MPP4: variants seen among roughly 807,000 people sequenced by gnomAD.
MPP4 encodes the protein MAGUK p55 scaffold protein 4, also known as MAGUK p55 subfamily member 4.
Under a neutral mutation model 98.3 loss-of-function variants are expected in MPP4, and 91 were observed. That is an observed-to-expected ratio of 0.93 (90% confidence interval 0.78 to 1.10). The LOEUF (loss-of-function observed/expected upper bound fraction) is 1.10. Ranked by LOEUF, MPP4 falls within the 50% of genes least tolerant of loss-of-function variation. MPP4 has a pLI of 0.00. For missense variants in MPP4, 744 were observed against 792.9 expected, an observed-to-expected ratio of 0.94 and a Z score of 0.74; for synonymous variants, 261 against 271.8, an observed-to-expected ratio of 0.96 and a Z score of 0.39.
intron 2 of MPP4, among the ~76,000 whole-genome samples, chr2:201,693,532 G>C (rs1689097916): frequency 2.0e-5 from 3 of 152,094 alleles, no homozygotes; most frequent in Admixed American, 2.0e-4. Flanking sequence ...CCTGATTAAA[G>C]GGTCTCTAAA....
intron 10 of MPP4, among the ~76,000 whole-genome samples, chr2:201,678,716 G>T (rs1688585139): frequency 6.6e-6 from 1 of 151,986 alleles, no homozygotes. Context: ...CCTTCCACTG[G>T]GCCTGGAGGT....
chr2:201,696,101 C>T (rs935081953), intron 1 of MPP4, among the ~76,000 whole-genome samples: 1 of 152,176 alleles, frequency 6.6e-6, no homozygotes, highest in East Asian at 1.9e-4. Flanking sequence ...AAGAGCAACA[C>T]AGAAAGCTGT....
chr2:201,675,182 C>G (rs768419042), intron 11 of MPP4, 25 bp downstream of exon 11: 29 of 1,593,416 alleles, frequency 1.8e-5, no homozygotes, highest in Non-Finnish European at 2.1e-5. Flanking sequence ...ACAGGAAGAA[C>G]CTGTCGGGCA....
chr2:201,669,744 G>C lies in MPP4; in HGVS notation c.1001C>G (p.Ser334Cys). Residue 334 changes from serine (S) to cysteine (C), a missense_variant, in exon 12 of 22, where the codon TCT (serine) becomes TGT (cysteine). By Grantham distance (112) the Ser-to-Cys change is moderately radical. Transcript: ENST00000409474. Reference protein sequence around the residue: ...HTCLKSTLSISMEEEDDMKID... With the variant: ...HTCLKSTLSICMEEEDDMKID... ...ATACTATTTCTTACCTTCTTCCATA[G>C]AAATTGCTGAGTACAAGCAAATGAT... 1 of 1,445,864 alleles carries C rather than the reference G, an allele frequency of 6.9e-7. No homozygotes were observed. Among genetic ancestry groups the C allele is most frequent in the Admixed American group, 2.4e-5 (1 of 42,240 alleles). The allele number at this position is 1,445,864 out of a possible 1,614,324, so 89.6% of individuals were successfully genotyped here. A position where few individuals can be genotyped will look rare whatever the true frequency, so the allele number is the denominator to read the frequency against.
intron 18 of MPP4, chr2:201,651,108 T>G: frequency 1.0e-6 from 1 of 985,360 alleles, no homozygotes; most frequent in South Asian, 4.7e-5. Flanking sequence ...TACCATTAGT[T>G]CCCCTTATTC....
intron 2 of MPP4, among the ~76,000 whole-genome samples, chr2:201,693,389 A>G (rs992708261): frequency 2.6e-5 from 4 of 152,182 alleles, no homozygotes; most frequent in African/African-American, 9.7e-5. Flanking sequence ...TCCCAAAATT[A>G]TCTACTTGTG....
chr2:201,668,381 C>T (rs1688241128), intron 12 of MPP4, among the ~76,000 whole-genome samples: 1 of 151,942 alleles, frequency 6.6e-6, no homozygotes. Flanking sequence ...ACTGCTGGGG[C>T]CTTAATTTGA....
At chr2:201,678,966 T>C (rs1416841842) in intron 10 of MPP4, among the ~76,000 whole-genome samples, 1 of 151,964 alleles carries the variant, frequency 6.6e-6, no homozygotes, top group African/African-American at 2.4e-5. Context: ...CAATAACCTT[T>C]CCCTCATTCA....
At chr2:201,691,822 A>T (rs1269493660) in intron 3 of MPP4, among the ~76,000 whole-genome samples, 1 of 152,172 alleles carries the variant, frequency 6.6e-6, no homozygotes, top group African/African-American at 2.4e-5. Flanking sequence ...CTGGGCCAGA[A>T]GAAACTTTAG....
intron 6 of MPP4, 85 bp from the exon 7 acceptor site, chr2:201,685,230 T>C (rs1468435022): frequency 7.1e-6 from 1 of 140,046 alleles, no homozygotes; most frequent in African/African-American, 1.5e-4. Flanking sequence ...AGCTCTGGTC[T>C]TTCAATCAAT....
chr2:201,669,119 TGTGA>T (rs60527440), intron 12 of MPP4, among the ~76,000 whole-genome samples: 41,412 of 133,322 alleles, frequency 0.31, 6,148 homozygotes, highest in Non-Finnish European at 0.38. Context: ...TGTGTGTGTG[TGTGA>T]GAGAGAGAGA....
At chr2:201,651,221 G>A (rs1266956873) in intron 18 of MPP4, 59 of 985,244 alleles carry the variant, frequency 6.0e-5, no homozygotes, top group African/African-American at 1.7e-4. Context: ...GCTAGAAACC[G>A]GCCTTAAATT....
chr2:201,669,068 G>A (rs1316512708), intron 12 of MPP4, among the ~76,000 whole-genome samples: 1 of 150,170 alleles, frequency 6.7e-6, no homozygotes, highest in African/African-American at 2.5e-5. Flanking sequence ...CCTCTTTCTG[G>A]AAGCAGAAAG....
In MPP4 at chr2:201,645,207, G is replaced by GTCTC. The variant is rs750158912; in HGVS notation, c.1913_*2dup. ...TTAAAACTCCAGCATTAAACAAGAAGTCTCATTGAGACTCAGTATCTGAGG... is the reference window on the plus strand; with the variant it reads ...TTAAAACTCCAGCATTAAACAAGAAGTCTCTCTCATTGAGACTCAGTATCTGAGG... On this transcript the variant is annotated 3_prime_UTR_variant, in exon 22 of 22. Coordinates refer to ENST00000409474, the MANE Select transcript of MPP4 (RefSeq NM_033066.3). The GTCTC allele has an allele frequency of 1.9e-6, 3 of 1,607,834 alleles. No individual in the cohort carries two copies. Among genetic ancestry groups the GTCTC allele is most frequent in the African/African-American group, 2.7e-5 (2 of 74,644 alleles).
chr2:201,650,785 C>T (rs752368483), intron 18 of MPP4: 10 of 985,388 alleles, frequency 1.0e-5, no homozygotes, highest in Non-Finnish European at 1.2e-5. Flanking sequence ...CATTAATACC[C>T]AACCGAGTGG....
rs918412809 is a variant in MPP4, at chr2:201,649,543, T to G, written c.1584+33A>C. 1.1e-5 allele frequency: 16 copies of G among 1,485,340 alleles called. No individual in the cohort carries two copies. The African/African-American group carries it at 2.2e-4, about 21-fold the overall frequency. The allele number at this position is 1,485,340 out of a possible 1,614,324, so 92.0% of individuals were successfully genotyped here. Reference sequence around the variant, plus strand: ...AAAAATGGATGATACGCATTCATTGTTTGGGGACATAAATATTCCACCATG... The same window carrying G: ...AAAAATGGATGATACGCATTCATTGGTTGGGGACATAAATATTCCACCATG... On this transcript the variant is annotated intron_variant, in intron 20 of 21. Transcript: ENST00000409474.
At chr2:201,660,305 G>C (rs1687988762) in intron 15 of MPP4, 27 bp downstream of exon 15, 3 of 1,587,808 alleles carry the variant, frequency 1.9e-6, no homozygotes, top group Non-Finnish European at 1.7e-6. Flanking sequence ...GTTCTATTTG[G>C]TATATCTAGG....
chr2:201,669,622 T>C (rs1574616843), intron 12 of MPP4, 111 bp downstream of exon 12: 1 of 505,836 alleles, frequency 2.0e-6, no homozygotes, highest in Non-Finnish European at 3.3e-6. Flanking sequence ...ACTAGGTATA[T>C]AGGAAGAGCT....
intron 11 of MPP4, among the ~76,000 whole-genome samples, chr2:201,673,895 C>T (rs1468998138): frequency 6.6e-6 from 1 of 152,210 alleles, no homozygotes; most frequent in Non-Finnish European, 1.5e-5. Context: ...CCTTCTGGTG[C>T]CCAGTTCCCT....
Sources: allele counts gnomAD v4.1 joint callset (sites outside exome capture counted in the v4.1 genomes callset), GRCh38; gene constraint gnomAD v4.1.1; transcripts MANE v1.5; gene names NCBI Gene and HGNC (gene_info 2026-07-23, HGNC 2026-07-21).